Variants in STXBP6 observed in about 807,000 individuals in gnomAD.
The protein encoded by STXBP6 is syntaxin-binding protein 6.
STXBP6 carries 21 observed loss-of-function variants against 26.9 expected under a neutral mutation model. The observed-to-expected ratio is 0.78, with a 90% CI of 0.55 to 1.12. The LOEUF is 1.12. Among genes scored for constraint, STXBP6 ranks in the 50% most tolerant of loss-of-function variants. The pLI, the probability that STXBP6 is intolerant of heterozygous loss-of-function variation, is 0.00. For missense variants in STXBP6, 232 were observed against 257.9 expected (o/e 0.90, Z 0.69); for synonymous variants, 97 against 92.6 (o/e 1.05, Z -0.27).
rs143441040 is a variant in STXBP6, at chr14:24,844,150, C to T, written c.451+11786G>A. On this transcript the variant is annotated intron_variant, in intron 4 of 5. Coordinates refer to ENST00000323944, the MANE Select transcript of STXBP6 (RefSeq NM_001394410.1). ...TGATGGGATCTAGAGAGCTTTCAGG[C>T]TGGTGAACACACCCATGGGCAGGGA... Among the ~76,000 whole-genome samples the T allele has an allele frequency of 8.7e-4, 133 of 152,334 alleles. 3 individuals carry two copies. The highest frequency in any genetic ancestry group is 2.9e-3 in the African/African-American group (122 of 41,576).
chr14:24,812,737 G>A lies in STXBP6; in HGVS notation c.610-5C>T, dbSNP rs965052796. The stretch of plus-strand genomic sequence containing the variant: ...ACATTTGTGCTTCATGGCAAGCTAA[G>A]GAGAGAGAGGAATGAGAAAAGTAAG... On this transcript the variant is annotated splice_polypyrimidine_tract_variant and splice_region_variant and intron_variant, in intron 5 of 5. Transcript: ENST00000323944. 6.2e-7 allele frequency: 1 copy of A among 1,613,572 alleles called. No individual in the cohort carries two copies. Among genetic ancestry groups the A allele is most frequent in the Non-Finnish European group, 8.5e-7 (1 of 1,179,690 alleles).
At chr14:24,937,841 A>AC (rs2072658236) in intron 2 of STXBP6, among the ~76,000 whole-genome samples, 1 of 152,194 alleles carries the variant, frequency 6.6e-6, no homozygotes, top group Non-Finnish European at 1.5e-5. Context: ...TTTAAAAAAA[A>AC]AATTACCTGT....
chr14:25,026,111 C>T (rs184807619), intron 1 of STXBP6, among the ~76,000 whole-genome samples: 8 of 152,224 alleles, frequency 5.3e-5, no homozygotes, highest in African/African-American at 1.9e-4. Context: ...GCACCTTGCA[C>T]ATTATAATGG....
chr14:24,869,620 C>G (rs892602969), intron 2 of STXBP6, among the ~76,000 whole-genome samples: 39 of 152,112 alleles, frequency 2.6e-4, no homozygotes, highest in African/African-American at 9.4e-4. Flanking sequence ...GTGCCTAAAT[C>G]GCATCATAAT....
At chr14:25,039,586 C>T (rs2075608892) in intron 1 of STXBP6, among the ~76,000 whole-genome samples, 1 of 152,208 alleles carries the variant, frequency 6.6e-6, no homozygotes, top group Non-Finnish European at 1.5e-5. Context: ...AGGCTGGACC[C>T]ACGGAGACTT....
chr14:24,940,972 G>A (rs574517589), intron 2 of STXBP6, among the ~76,000 whole-genome samples: 15 of 152,186 alleles, frequency 9.9e-5, no homozygotes, highest in Middle Eastern at 3.4e-3. Flanking sequence ...CCAAGATTGC[G>A]CCACTGCACT....
intron 2 of STXBP6, among the ~76,000 whole-genome samples, chr14:24,941,027 AAAAC>A (rs1003945853): frequency 2.6e-5 from 4 of 152,118 alleles, no homozygotes; most frequent in East Asian, 1.9e-4. Flanking sequence ...AAAACAAAAC[AAAAC>A]AAACAAACAA....
At chr14:25,029,799 T>A (rs2075418496) in intron 1 of STXBP6, among the ~76,000 whole-genome samples, 1 of 152,136 alleles carries the variant, frequency 6.6e-6, no homozygotes, top group African/African-American at 2.4e-5. Context: ...CCATTTGCAA[T>A]GAATCCTAAC....
chr14:24,874,314 G>A (rs1483851565), intron 2 of STXBP6, among the ~76,000 whole-genome samples: 1 of 152,102 alleles, frequency 6.6e-6, no homozygotes. Context: ...CAGTGCTTAT[G>A]CCCTAATTTC....
At chr14:25,044,773 A>T (rs185855914) in intron 1 of STXBP6, among the ~76,000 whole-genome samples, 2 of 152,230 alleles carry the variant, frequency 1.3e-5, no homozygotes, top group African/African-American at 4.8e-5. Flanking sequence ...CCACAGATTC[A>T]GTAAATCTCG....
At chr14:24,927,331 T>C (rs2072213751) in intron 2 of STXBP6, among the ~76,000 whole-genome samples, 1 of 152,190 alleles carries the variant, frequency 6.6e-6, no homozygotes. Context: ...TTCCCTGAAA[T>C]GTTAATCTTT....
At chr14:24,979,247 T>G (rs1215131757) in intron 1 of STXBP6, among the ~76,000 whole-genome samples, 1 of 152,246 alleles carries the variant, frequency 6.6e-6, no homozygotes, top group African/African-American at 2.4e-5. Flanking sequence ...GCCACACAAT[T>G]ATTCTAGACT....
chr14:25,027,766 T>C (rs775628896), intron 1 of STXBP6, among the ~76,000 whole-genome samples: 1 of 152,232 alleles, frequency 6.6e-6, no homozygotes, highest in African/African-American at 2.4e-5. Context: ...AACAGCCAAG[T>C]TGGGAATGCA....
chr14:24,903,022 T>C (rs899070375), intron 2 of STXBP6, among the ~76,000 whole-genome samples: 3 of 152,324 alleles, frequency 2.0e-5, no homozygotes, highest in Admixed American at 2.0e-4. Context: ...CTGGTGGATC[T>C]ATGAAAGACA....
intron 1 of STXBP6, among the ~76,000 whole-genome samples, chr14:24,993,950 C>T (rs1036105785): frequency 5.9e-5 from 9 of 152,200 alleles, no homozygotes; most frequent in African/African-American, 2.2e-4. Context: ...CACCCACTCC[C>T]TCTTGTCCCT....
At chr14:25,019,869 T>TTC (rs1491537660) in intron 1 of STXBP6, among the ~76,000 whole-genome samples, 1 of 54,376 alleles carries the variant, frequency 1.8e-5, no homozygotes, top group Non-Finnish European at 4.1e-5. Context: ...GTTTCGTGGG[T>TTC]TTTTTTTTTT....
At chr14:24,850,653 T>C (rs2069120677) in intron 4 of STXBP6, among the ~76,000 whole-genome samples, 1 of 152,140 alleles carries the variant, frequency 6.6e-6, no homozygotes, top group African/African-American at 2.4e-5. Flanking sequence ...GTCATGGCAA[T>C]GTTTCACGTC....
chr14:24,941,464 G>A (rs2072800808), intron 2 of STXBP6, among the ~76,000 whole-genome samples: 1 of 152,176 alleles, frequency 6.6e-6, no homozygotes. Flanking sequence ...AGAATATGAA[G>A]GTTCATCAGA....
chr14:25,019,396 A>C (rs1248036849), intron 1 of STXBP6, among the ~76,000 whole-genome samples: 9 of 152,212 alleles, frequency 5.9e-5, no homozygotes, highest in Admixed American at 2.6e-4. Context: ...TCTATCAAAG[A>C]GCTAACTTAG....
Sources: allele counts gnomAD v4.1 joint callset (sites outside exome capture counted in the v4.1 genomes callset), GRCh38; gene constraint gnomAD v4.1.1; transcripts MANE v1.5; gene names NCBI Gene and HGNC (gene_info 2026-07-23, HGNC 2026-07-21).